Variants in CDCA2 observed in about 807,000 individuals in gnomAD.
The protein encoded by CDCA2 is cell division cycle associated 2.
CDCA2 carries 44 observed loss-of-function variants against 67.0 expected under a neutral mutation model. The ratio of observed to expected loss-of-function variants is 0.66; its 90% CI spans 0.52 to 0.84. The LOEUF (loss-of-function observed/expected upper bound fraction) is 0.84. CDCA2 is among the 40% of genes least tolerant of loss of function. The probability of loss-of-function intolerance (pLI) is 0.00; values close to 1 mark genes in which losing one functional copy is unlikely to be tolerated. For missense variants in CDCA2, 1,253 were observed against 1,203.2 expected (o/e 1.04, Z -0.61); for synonymous variants, 447 against 418.7 (o/e 1.07, Z -0.82).
chr8:25,480,659 C>T (rs1004504990), intron 8 of CDCA2, among the ~76,000 whole-genome samples: 3 of 151,984 alleles, frequency 2.0e-5, no homozygotes, highest in Non-Finnish European at 4.4e-5. Context: ...AGTAGTGCTC[C>T]GAGAAAGGTA....
Position 25,479,964 on chromosome 8 carries a change from C to T in CDCA2, c.872C>T (p.Ser291Leu), listed in dbSNP as rs765231573. 9.9e-6 allele frequency: 16 copies of T among 1,614,024 alleles called. No individual in the cohort carries two copies. The highest frequency in any genetic ancestry group is 3.3e-5 in the South Asian group (3 of 91,088). Reference sequence around the variant, plus strand: ...GGCAAAGGATCAAGTGATGCCGTTTCGCCTGACACGTTCACAGCAGAAGTG... The same window carrying T: ...GGCAAAGGATCAAGTGATGCCGTTTTGCCTGACACGTTCACAGCAGAAGTG... Reference protein sequence around the residue: ...VVGKGSSDAVSPDTFTAEVSS... With the variant: ...VVGKGSSDAVLPDTFTAEVSS... The change falls in exon 8 of 15, where the codon TCG becomes TTG. Residue 291 changes from serine (S) to leucine (L), a missense_variant. Physicochemically the swap from Ser to Leu is moderately radical, Grantham distance 145. Coordinates refer to ENST00000330560, the MANE Select transcript of CDCA2 (RefSeq NM_152562.4).
At chr8:25,499,280 T>TG (rs1804372891) in intron 13 of CDCA2, among the ~76,000 whole-genome samples, 2 of 151,014 alleles carry the variant, frequency 1.3e-5, no homozygotes, top group East Asian at 3.9e-4. Context: ...TGTGATTTGT[T>TG]GCCATGTCCA....
intron 13 of CDCA2, among the ~76,000 whole-genome samples, chr8:25,499,779 A>C (rs769664740): frequency 6.6e-6 from 1 of 152,186 alleles, no homozygotes; most frequent in African/African-American, 2.4e-5. Flanking sequence ...CAATCCCTTC[A>C]GTTGTTCTTT....
intron 10 of CDCA2, among the ~76,000 whole-genome samples, chr8:25,484,939 G>A (rs1803710125): frequency 1.3e-5 from 2 of 152,102 alleles, no homozygotes; most frequent in South Asian, 4.1e-4. Context: ...GAAAACTACA[G>A]TTCAGTATCC....
At chr8:25,485,211 AAG>A (rs1491061989) in intron 10 of CDCA2, among the ~76,000 whole-genome samples, 41 of 31,886 alleles carry the variant, frequency 1.3e-3, no homozygotes, top group African/African-American at 2.2e-3. Context: ...AATAATAATA[AAG>A]AAAAAGCATT....
Position 25,507,685 on chromosome 8 carries a change from A to T in CDCA2, c.3019A>T (p.Ser1007Cys). Residue 1007 changes from serine (S) to cysteine (C), a missense_variant, in exon 15 of 15, where the codon AGC (serine) becomes TGC (cysteine). Transcript: ENST00000330560. The part of the protein sequence containing the change: ...RRSSLNGKGE[S>C]SLTALERIEH... ...ATCCTCTCTTAATGGGAAGGGAGAGAGCTCTCTGACTGCCTTGGAAAGGAT... is the reference window on the plus strand; with the variant it reads ...ATCCTCTCTTAATGGGAAGGGAGAGTGCTCTCTGACTGCCTTGGAAAGGAT... 3 of 1,614,046 alleles carry T rather than the reference A, an allele frequency of 1.9e-6. No individual in the cohort carries two copies. The highest frequency in any genetic ancestry group is 2.5e-6 in the Non-Finnish European group (3 of 1,179,986).
In CDCA2 at chr8:25,487,261, G is replaced by T; in HGVS notation, c.1460G>T (p.Ser487Ile). Residue 487 changes from serine (S) to isoleucine (I), a missense_variant, in exon 12 of 15, where the codon AGT (serine) becomes ATT (isoleucine). Transcript: ENST00000330560. ...SETLSGTDTF[S>I]SSNNHEKISS... ...TGTTTATCAGGCACTGATACCTTTA[G>T]TTCTTCAAATAACCATGAGAAAATA... 1 of 1,611,234 alleles carries T rather than the reference G, an allele frequency of 6.2e-7. No homozygotes were observed. The highest frequency in any genetic ancestry group is 1.7e-5 in the Admixed American group (1 of 59,842).
intron 6 of CDCA2, among the ~76,000 whole-genome samples, chr8:25,469,047 C>A (rs1013246900): frequency 8.5e-5 from 13 of 152,210 alleles, no homozygotes; most frequent in African/African-American, 2.9e-4. Flanking sequence ...AGTTGACCTG[C>A]GCGCACGCGT....
intron 12 of CDCA2, 22 bp from the exon 13 acceptor site, chr8:25,488,530 C>T (rs1368525197): frequency 6.3e-7 from 1 of 1,580,236 alleles, no homozygotes; most frequent in Non-Finnish European, 8.6e-7. Flanking sequence ...TTACGGTATC[C>T]TACTTTACAC....
At chr8:25,476,080 T>C (rs910985437) in intron 7 of CDCA2, among the ~76,000 whole-genome samples, 3 of 152,222 alleles carry the variant, frequency 2.0e-5, no homozygotes, top group African/African-American at 7.2e-5. Flanking sequence ...TACCACTTGT[T>C]TGTGGCTTTT....
intron 13 of CDCA2, 80 bp from the exon 14 acceptor site, chr8:25,503,293 A>G (rs1008149232): frequency 1.4e-5 from 15 of 1,047,458 alleles, no homozygotes; most frequent in Non-Finnish European, 2.2e-5. Context: ...AAAAATAAAT[A>G]AAAATAACTA....
chr8:25,476,514 A>G (rs928942789), intron 7 of CDCA2, among the ~76,000 whole-genome samples: 2 of 151,770 alleles, frequency 1.3e-5, no homozygotes, highest in Non-Finnish European at 1.5e-5. Flanking sequence ...CTCCTCTTTC[A>G]AAAGGGTCTC....
rs1337152755 is a variant in CDCA2, at chr8:25,507,313, A to G, written c.2647A>G (p.Arg883Gly). The G allele has an allele frequency of 1.9e-6, 3 of 1,614,140 alleles. No individual in the cohort carries two copies. The South Asian group carries it at 3.3e-5, about 18-fold the overall frequency. ...LSDAIEQTFQRRNSETKVRRS... is the reference protein window; with the variant it reads ...LSDAIEQTFQGRNSETKVRRS... The stretch of plus-strand genomic sequence containing the variant: ...TGATGCCATTGAGCAAACCTTTCAG[A>G]GGAGAAATAGTGAAACCAAAGTGCG... The change falls in exon 15 of 15, where the codon AGG becomes GGG. Residue 883 changes from arginine (R) to glycine (G), a missense_variant. By Grantham distance (125) the Arg-to-Gly change is moderately radical. Transcript: ENST00000330560.
At chr8:25,491,401 CTG>C (rs770796418) in intron 13 of CDCA2, among the ~76,000 whole-genome samples, 4 of 152,168 alleles carry the variant, frequency 2.6e-5, no homozygotes, top group Non-Finnish European at 5.9e-5. Flanking sequence ...AGGCCTGTAA[CTG>C]TGAAACTGAA....
intron 11 of CDCA2, 103 bp downstream of exon 11, chr8:25,485,940 A>T (rs907780989): frequency 8.2e-6 from 5 of 608,354 alleles, no homozygotes; most frequent in African/African-American, 1.9e-5. Context: ...TTACCACAAC[A>T]TATACTTGGT....
chr8:25,469,921 A>G lies in CDCA2; in HGVS notation c.761A>G (p.Gln254Arg), dbSNP rs774268934. The change falls in exon 7 of 15, where the codon CAG (glutamine) becomes CGG (arginine). Residue 254 changes from glutamine (Q) to arginine (R), a missense_variant. Physicochemically the swap from Gln to Arg is conservative, Grantham distance 43 (BLOSUM62 1). Coordinates refer to ENST00000330560, the MANE Select transcript of CDCA2 (RefSeq NM_152562.4). Reference sequence around the variant, plus strand: ...ATATCATCTAAACTTGGTTCAACACAGTCTGGATTTTTAGTTGAAGAGTCT... The same window carrying G: ...ATATCATCTAAACTTGGTTCAACACGGTCTGGATTTTTAGTTGAAGAGTCT... Reference protein sequence around the residue: ...SEISSKLGSTQSGFLVEESLP... With the variant: ...SEISSKLGSTRSGFLVEESLP... The G allele has an allele frequency of 1.2e-6, 2 of 1,611,494 alleles. No individual in the cohort carries two copies. Among genetic ancestry groups the G allele is most frequent in the Non-Finnish European group, 1.7e-6 (2 of 1,178,454 alleles).
chr8:25,503,544 G>A lies in CDCA2; in HGVS notation c.1843G>A (p.Gly615Ser), dbSNP rs765475124. ...SIPSIRRLGSGYFSSNGKLEE... is the reference protein window; with the variant it reads ...SIPSIRRLGSSYFSSNGKLEE... ...TCCGAGCATCCGAAGACTGGGTTCAGGTATCCTGACATTTTCCTGGTAGTT... is the reference window on the plus strand; with the variant it reads ...TCCGAGCATCCGAAGACTGGGTTCAAGTATCCTGACATTTTCCTGGTAGTT... The change falls in exon 14 of 15, where the codon GGT (glycine) becomes AGT (serine). Residue 615 changes from glycine to serine, a missense_variant and splice_region_variant. By Grantham distance (56) the Gly-to-Ser change is moderately conservative (BLOSUM62 0). Coordinates refer to ENST00000330560, the MANE Select transcript of CDCA2 (RefSeq NM_152562.4). 2 of 1,591,652 alleles carry A rather than the reference G, an allele frequency of 1.3e-6. No individual in the cohort carries two copies. Among genetic ancestry groups the A allele is most frequent in the East Asian group, 4.5e-5 (2 of 44,624 alleles).
intron 4 of CDCA2, among the ~76,000 whole-genome samples, chr8:25,464,220 C>T (rs1655511660): frequency 6.6e-6 from 1 of 152,128 alleles, no homozygotes; most frequent in Admixed American, 6.5e-5. Flanking sequence ...TTGAGACCAG[C>T]CTGGGCAACA....
intron 7 of CDCA2, among the ~76,000 whole-genome samples, chr8:25,475,785 T>G (rs1409566226): frequency 6.6e-6 from 1 of 152,176 alleles, no homozygotes; most frequent in Admixed American, 6.5e-5. Flanking sequence ...TTAGCTGGAA[T>G]GCAGGAAGCC....
Sources: allele counts gnomAD v4.1 joint callset (sites outside exome capture counted in the v4.1 genomes callset), GRCh38; gene constraint gnomAD v4.1.1; transcripts MANE v1.5; gene names NCBI Gene and HGNC (gene_info 2026-07-23, HGNC 2026-07-21).